The following CPNE4 variants were observed in gnomAD, a reference collection of about 807,000 sequenced individuals.
CPNE4 encodes the protein copine 4.
CPNE4 carries 25 observed loss-of-function variants against 67.9 expected under a neutral mutation model. The observed-to-expected ratio is 0.37, with a 90% CI of 0.27 to 0.51. The LOEUF (loss-of-function observed/expected upper bound fraction) is 0.51, where lower values mean the gene tolerates loss of function less well. Ranked by LOEUF, CPNE4 falls within the 20% of genes least tolerant of loss-of-function variation. The pLI is 0.93. For synonymous variants in CPNE4, 242 were observed against 244.9 expected (o/e 0.99, Z 0.11); for missense variants, 464 against 690.8 (o/e 0.67, Z 3.68).
At chr3:131,943,729 A>T (rs1042818689) in intron 1 of CPNE4, among the ~76,000 whole-genome samples, 11 of 152,008 alleles carry the variant, frequency 7.2e-5, no homozygotes, top group African/African-American at 2.7e-4. Flanking sequence ...CACTAACATG[A>T]CCTCGTATCT....
chr3:131,931,132 TA>T (rs562972028), intron 1 of CPNE4, among the ~76,000 whole-genome samples: 179 of 152,252 alleles, frequency 1.2e-3, no homozygotes, highest in Admixed American at 2.1e-3. Context: ...AAGTTTCCGT[TA>T]TGGTAGGAAG....
chr3:131,535,103 T>A lies in CPNE4; in HGVS notation c.*92A>T, dbSNP rs1352952915. 7.6e-7 allele frequency: 1 copy of A among 1,321,216 alleles called. No homozygotes were observed. The highest frequency in any genetic ancestry group is 1.5e-5 in the African/African-American group (1 of 67,402). The allele number at this position is 1,321,216 out of a possible 1,614,324, so 81.8% of individuals were successfully genotyped here. A position where few individuals can be genotyped will look rare whatever the true frequency, so the allele number is the denominator to read the frequency against. On this transcript the variant is annotated 3_prime_UTR_variant, in exon 16 of 16. Coordinates refer to ENST00000429747, the MANE Select transcript of CPNE4 (RefSeq NM_130808.3). The stretch of plus-strand genomic sequence containing the variant: ...CTATTTTTAAATGTGTATATGTTGT[T>A]GGTTTTTTAAAGTACAGGAGTAGTA...
chr3:131,801,452 G>GTGTGTGTATATATA (rs761978890), intron 2 of CPNE4, among the ~76,000 whole-genome samples: 8 of 53,352 alleles, frequency 1.5e-4, no homozygotes, highest in South Asian at 1.8e-3. Flanking sequence ...GTGTGTGTGT[G>GTGTGTGTATATATA]TATATATATA....
At chr3:131,792,650 TA>T (rs2083771244) in intron 2 of CPNE4, among the ~76,000 whole-genome samples, 1 of 84,530 alleles carries the variant, frequency 1.2e-5, no homozygotes, top group Non-Finnish European at 2.4e-5. Flanking sequence ...TATATATGTA[TA>T]TATACACACG....
chr3:132,005,722 T>G lies in CPNE4; in HGVS notation c.-2+28845A>C, dbSNP rs147663161. On this transcript the variant is annotated intron_variant, in intron 1 of 15. Transcript: ENST00000429747. ...CATACCCAAGTTTCCCAGTGGGTCCTCTGGAACCTACGTATAAAAAAGACA... is the reference window on the plus strand; with the variant it reads ...CATACCCAAGTTTCCCAGTGGGTCCGCTGGAACCTACGTATAAAAAAGACA... Among the ~76,000 whole-genome samples the G allele has an allele frequency of 8.4e-3, 1,283 of 151,888 alleles. 7 individuals are homozygous for G. The highest frequency in any genetic ancestry group is 0.014 in the Non-Finnish European group (928 of 67,936).
intron 1 of CPNE4, among the ~76,000 whole-genome samples, chr3:132,007,219 T>C (rs2073633360): frequency 1.3e-5 from 2 of 152,256 alleles, no homozygotes; most frequent in Non-Finnish European, 2.9e-5. Context: ...AAGCCCAAAA[T>C]CTGGAAAAGT....
chr3:131,576,174 T>C (rs1191963074), intron 9 of CPNE4, among the ~76,000 whole-genome samples: 1 of 152,092 alleles, frequency 6.6e-6, no homozygotes, highest in African/African-American at 2.4e-5. Context: ...AAATCAGTGT[T>C]GGTCTCTCTA....
At chr3:131,872,732 T>C (rs895443963) in intron 2 of CPNE4, among the ~76,000 whole-genome samples, 17 of 152,324 alleles carry the variant, frequency 1.1e-4, no homozygotes, top group African/African-American at 3.8e-4. Context: ...CTCGGGATAA[T>C]TGACTTGGGA....
At chr3:131,941,724 C>T (rs2071394687) in intron 1 of CPNE4, among the ~76,000 whole-genome samples, 1 of 152,098 alleles carries the variant, frequency 6.6e-6, no homozygotes. Context: ...ACCACTTTCT[C>T]AGAGTCCCCT....
chr3:131,892,984 C>T (rs375494827), intron 2 of CPNE4, among the ~76,000 whole-genome samples: 1 of 151,988 alleles, frequency 6.6e-6, no homozygotes, highest in Non-Finnish European at 1.5e-5. Context: ...CCATTATTAA[C>T]AACCTTGAAT....
Position 131,958,734 on chromosome 3 carries a change from C to T in CPNE4, c.-1-53290G>A, listed in dbSNP as rs545579517. Among the ~76,000 whole-genome samples, 4 of 149,162 alleles carry T rather than the reference C, an allele frequency of 2.7e-5. No homozygotes were observed. The South Asian group carries it at 6.4e-4, about 24-fold the overall frequency. On this transcript the variant is annotated intron_variant, in intron 1 of 15. Coordinates refer to ENST00000429747, the MANE Select transcript of CPNE4 (RefSeq NM_130808.3). ...CCACCTGTCAGGCGATCTTGGCTCACGGCAACCTCCACCTCTCAGGTTCAA... is the reference window on the plus strand; with the variant it reads ...CCACCTGTCAGGCGATCTTGGCTCATGGCAACCTCCACCTCTCAGGTTCAA...
chr3:131,779,306 A>G (rs2083373741), intron 2 of CPNE4, among the ~76,000 whole-genome samples: 2 of 151,956 alleles, frequency 1.3e-5, no homozygotes, highest in Admixed American at 1.3e-4. Context: ...AACTACCAAC[A>G]TTTTTCACAG....
intron 1 of CPNE4, among the ~76,000 whole-genome samples, chr3:131,930,790 G>C (rs979963732): frequency 6.6e-6 from 1 of 151,952 alleles, no homozygotes; most frequent in African/African-American, 2.4e-5. Flanking sequence ...CACCCTTTAG[G>C]GCTTCTTTCC....
At chr3:132,039,384 T>A (rs1259363179), upstream of CPNE4, 1 of 152,226 alleles carries the variant, frequency 6.6e-6, no homozygotes, top group Non-Finnish European at 1.5e-5. Flanking sequence ...CCTGGGGCTT[T>A]GATATCATAA....
chr3:131,581,070 G>T (rs1937800706), intron 9 of CPNE4, among the ~76,000 whole-genome samples: 1 of 151,238 alleles, frequency 6.6e-6, no homozygotes, highest in African/African-American at 2.5e-5. Flanking sequence ...CTAGTTGGGA[G>T]GCTGAGGCAG....
At chr3:132,036,650 G>A (rs1291367885), upstream of CPNE4, among the ~76,000 whole-genome samples, 3 of 152,154 alleles carry the variant, frequency 2.0e-5, no homozygotes, top group Non-Finnish European at 4.4e-5. Context: ...AAGTCATTGT[G>A]CATTTCCTTG....
intron 1 of CPNE4, among the ~76,000 whole-genome samples, chr3:131,988,859 T>C (rs2073114500): frequency 6.6e-6 from 1 of 152,254 alleles, no homozygotes. Context: ...TAGATTCACA[T>C]AAACCTGGAT....
In CPNE4 at chr3:131,737,115, CTTTTTTTTT is replaced by C. The variant is rs71788145; in HGVS notation, c.181-13499_181-13491del. 4.0e-4 allele frequency among the ~76,000 whole-genome samples: 20 copies of C among 49,406 alleles called. 1 individual carries two copies. The highest frequency in any genetic ancestry group is 3.6e-3 in the South Asian group (3 of 844). The allele number at this position is 49,406 out of a possible 152,430, so 32.4% of individuals were successfully genotyped here. ...TGCCTCTTTTTATGAAGTATTGTGTCTTTTTTTTTTTTTTTTTTTTTTTTTTGAGAGGGA... is the reference window on the plus strand; with the variant it reads ...TGCCTCTTTTTATGAAGTATTGTGTCTTTTTTTTTTTTTTTTTGAGAGGGA... On this transcript the variant is annotated intron_variant, in intron 2 of 15. Transcript: ENST00000429747.
intron 6 of CPNE4, among the ~76,000 whole-genome samples, chr3:131,685,406 GA>G (rs55693647): frequency 0.43 from 60,574 of 140,792 alleles, 13,336 homozygotes; most frequent in Middle Eastern, 0.53. Flanking sequence ...GATTAAAAGT[GA>G]AAAAAAAAAA....
Sources: gnomAD v4.1 joint callset for allele counts (sites outside exome capture counted in the v4.1 genomes callset) on GRCh38, gnomAD v4.1.1 for gene constraint, MANE v1.5 for transcripts, NCBI Gene and HGNC (gene_info 2026-07-23, HGNC 2026-07-21) for gene names.